ZMAT4: variants seen among roughly 807,000 people sequenced by gnomAD.
ZMAT4 encodes the protein zinc finger matrin-type protein 4.
ZMAT4 carries 17 observed loss-of-function variants against 28.7 expected under a neutral mutation model. That is an observed-to-expected ratio of 0.59 (90% confidence interval 0.41 to 0.89). The LOEUF (loss-of-function observed/expected upper bound fraction) is 0.89. ZMAT4 is among the 40% of genes least tolerant of loss of function. The probability of loss-of-function intolerance (pLI) is 0.00; values close to 1 mark genes in which losing one functional copy is unlikely to be tolerated. For synonymous variants in ZMAT4, 117 were observed against 109.2 expected (o/e 1.07, Z -0.44); for missense variants, 240 against 283.8 (o/e 0.85, Z 1.11).
In ZMAT4 at chr8:40,881,539, A is replaced by AGG; in HGVS notation, c.-5+16143_-5+16144insCC. Reference sequence around the variant, plus strand: ...GGGAGAGAGAGAGACAGAAAGAAAGAAAGAAAGAAAGAAAGAAAGAAAGAA... The same window carrying AGG: ...GGGAGAGAGAGAGACAGAAAGAAAGAGGAAGAAAGAAAGAAAGAAAGAAAGAA... On this transcript the variant is annotated intron_variant, in intron 1 of 6. Transcript: ENST00000297737. Among the ~76,000 whole-genome samples, 3 of 38,608 alleles carry AGG rather than the reference A, an allele frequency of 7.8e-5. 1 individual carries two copies. Among genetic ancestry groups the AGG allele is most frequent in the Admixed American group, 5.5e-4 (2 of 3,632 alleles). The allele number at this position is 38,608 out of a possible 152,430, so 25.3% of individuals were successfully genotyped here.
chr8:40,714,623 T>A (rs1182595536), intron 3 of ZMAT4, among the ~76,000 whole-genome samples: 2 of 152,184 alleles, frequency 1.3e-5, no homozygotes, highest in Non-Finnish European at 2.9e-5. Flanking sequence ...CATTGATGCC[T>A]TTTGTCATGG....
intron 5 of ZMAT4, among the ~76,000 whole-genome samples, chr8:40,652,186 G>C (rs1399642312): frequency 1.6e-5 from 2 of 124,560 alleles, no homozygotes; most frequent in African/African-American, 5.5e-5. Flanking sequence ...CTACTCATTT[G>C]ACAAAGGGCT....
At chr8:40,790,766 T>C (rs1408056310) in intron 2 of ZMAT4, among the ~76,000 whole-genome samples, 2 of 152,262 alleles carry the variant, frequency 1.3e-5, no homozygotes, top group Non-Finnish European at 2.9e-5. Flanking sequence ...CCATTTTTTG[T>C]AGAATTTGAC....
chr8:40,781,749 G>A (rs576159367), intron 2 of ZMAT4, among the ~76,000 whole-genome samples: 26 of 94,166 alleles, frequency 2.8e-4, no homozygotes, highest in South Asian at 4.2e-4. Flanking sequence ...GCAACAGAGC[G>A]AGACTCCGTC....
At chr8:40,591,450 G>T (rs57760037) in intron 5 of ZMAT4, among the ~76,000 whole-genome samples, 20,710 of 152,116 alleles carry the variant, frequency 0.14, 2,194 homozygotes, top group African/African-American at 0.29. Context: ...CCTGCAGGTC[G>T]GTCACCCATG....
At chr8:40,576,841 C>T (rs992325275) in intron 6 of ZMAT4, among the ~76,000 whole-genome samples, 1 of 152,082 alleles carries the variant, frequency 6.6e-6, no homozygotes, top group Admixed American at 6.6e-5. Flanking sequence ...ATATAACTAC[C>T]ATATGTTCCA....
intron 3 of ZMAT4, among the ~76,000 whole-genome samples, chr8:40,738,413 A>T (rs1811866432): frequency 6.6e-6 from 1 of 152,198 alleles, no homozygotes; most frequent in African/African-American, 2.4e-5. Flanking sequence ...CGGTGGCTGG[A>T]CAGCAGGAAG....
intron 5 of ZMAT4, among the ~76,000 whole-genome samples, chr8:40,624,155 C>T (rs1806292907): frequency 6.6e-6 from 1 of 152,190 alleles, no homozygotes; most frequent in Non-Finnish European, 1.5e-5. Context: ...GCTAATGCAA[C>T]TATATTTGGA....
intron 3 of ZMAT4, among the ~76,000 whole-genome samples, chr8:40,745,121 C>T (rs891646097): frequency 1.3e-5 from 2 of 152,134 alleles, no homozygotes; most frequent in South Asian, 2.1e-4. Context: ...CAGGCAGGGC[C>T]GACTCACAGC....
At chr8:40,848,261 G>T (rs1484856281) in intron 1 of ZMAT4, among the ~76,000 whole-genome samples, 2 of 152,202 alleles carry the variant, frequency 1.3e-5, no homozygotes, top group African/African-American at 4.8e-5. Flanking sequence ...AAGAACACAA[G>T]CCTATGGGTG....
chr8:40,781,759 C>T (rs1813837067), intron 2 of ZMAT4, among the ~76,000 whole-genome samples: 2 of 31,080 alleles, frequency 6.4e-5, no homozygotes, highest in South Asian at 3.7e-3. Context: ...GAGACTCCGT[C>T]TCAAAAAAAA....
At chr8:40,557,159 G>T (rs1481799423) in intron 6 of ZMAT4, among the ~76,000 whole-genome samples, 1 of 152,006 alleles carries the variant, frequency 6.6e-6, no homozygotes, top group African/African-American at 2.4e-5. Context: ...GAAAAGAAAT[G>T]TATATTTCAA....
intron 3 of ZMAT4, among the ~76,000 whole-genome samples, chr8:40,722,219 C>A (rs1326161228): frequency 1.3e-5 from 2 of 151,984 alleles, no homozygotes; most frequent in Admixed American, 1.3e-4. Flanking sequence ...AAAGAAACTA[C>A]CATCAGAGTG....
chr8:40,608,791 G>A lies in ZMAT4; in HGVS notation c.578-27530C>T, dbSNP rs148582244. 1.1e-3 allele frequency among the ~76,000 whole-genome samples: 170 copies of A among 152,136 alleles called. 2 individuals are homozygous for A. The highest frequency in any genetic ancestry group is 6.8e-3 in the Middle Eastern group (2 of 294). The stretch of plus-strand genomic sequence containing the variant: ...CTTCCTTTACCCCTATATTTCACTC[G>A]GCTCTCTCAATTTGTCTCAGCTCCA... On this transcript the variant is annotated intron_variant, in intron 5 of 6. Coordinates refer to ENST00000297737, the MANE Select transcript of ZMAT4 (RefSeq NM_024645.3).
intron 1 of ZMAT4, among the ~76,000 whole-genome samples, chr8:40,858,122 T>C (rs895872620): frequency 1.3e-5 from 2 of 152,196 alleles, no homozygotes; most frequent in Non-Finnish European, 2.9e-5. Context: ...TTAAGATCTA[T>C]GCGTTTTATC....
intron 5 of ZMAT4, among the ~76,000 whole-genome samples, chr8:40,609,300 G>A (rs989481903): frequency 6.6e-6 from 1 of 152,196 alleles, no homozygotes; most frequent in African/African-American, 2.4e-5. Context: ...CTTGATGTCT[G>A]TACTTGTGTC....
intron 6 of ZMAT4, among the ~76,000 whole-genome samples, chr8:40,544,411 A>G (rs1332471122): frequency 6.6e-6 from 1 of 152,198 alleles, no homozygotes; most frequent in Non-Finnish European, 1.5e-5. Context: ...CTTCAAAAAG[A>G]TCAAAGGATC....
intron 3 of ZMAT4, among the ~76,000 whole-genome samples, chr8:40,755,578 G>C (rs1410749646): frequency 6.6e-6 from 1 of 151,896 alleles, no homozygotes. Context: ...TCAGCCTCCC[G>C]GGAAGCTGGG....
At chr8:40,888,433 T>A (rs1365418402) in intron 1 of ZMAT4, 1 of 152,200 alleles carries the variant, frequency 6.6e-6, no homozygotes, top group African/African-American at 2.4e-5. Flanking sequence ...GAGTTATTAT[T>A]AAAATAAACA....
Sources: gnomAD v4.1 joint callset for allele counts (sites outside exome capture counted in the v4.1 genomes callset) on GRCh38, gnomAD v4.1.1 for gene constraint, MANE v1.5 for transcripts, NCBI Gene and HGNC (gene_info 2026-07-23, HGNC 2026-07-21) for gene names.